SCRG1: variants seen among roughly 807,000 people sequenced by gnomAD.
The protein encoded by SCRG1 is stimulator of chondrogenesis 1.
SCRG1 carries 3 observed loss-of-function variants against 7.7 expected under a neutral mutation model. The observed-to-expected ratio is 0.39, with a 90% CI of 0.18 to 1.01. SCRG1 has a LOEUF of 1.01. Among genes scored for constraint, SCRG1 ranks in the 50% least tolerant of loss-of-function variants. SCRG1 has a pLI of 0.36. For missense variants in SCRG1, 110 were observed against 117.2 expected, an observed-to-expected ratio of 0.94 and a Z score of 0.28; for synonymous variants, 46 against 41.2, an observed-to-expected ratio of 1.12 and a Z score of -0.44.
the SCRG1 span, among the ~76,000 whole-genome samples, chr4:173,505,028 T>C: frequency 6.6e-6 from 1 of 152,232 alleles, no homozygotes; most frequent in African/African-American, 2.4e-5. This position sits in a 1 kb window ranked among gnomAD's most constrained non-coding sequence, Gnocchi z 4.4. Context: ...GAAATCACCA[T>C]AGTCTCACCT....
chr4:173,391,352 C>A lies in SCRG1; in HGVS notation c.63G>T (p.Met21Ile). The A allele has an allele frequency of 6.2e-7, 1 of 1,614,176 alleles. No homozygotes were observed. Among genetic ancestry groups the A allele is most frequent in the Non-Finnish European group, 8.5e-7 (1 of 1,180,022 alleles). The part of the protein sequence containing the change: ...GLTLLLGVQA[M>I]PANRLSCYRK... ...TGTAGCAAGAGAGGCGATTTGCAGG[C>A]ATGGCTTGAACTCCTAGCAGCAAAG... The change falls in exon 2 of 3, where the codon ATG becomes ATT. Residue 21 changes from methionine to isoleucine, a missense_variant. Met to Ile is a conservative substitution (Grantham distance 10). Transcript: ENST00000296506.
At chr4:173,466,707 A>T in the SCRG1 span, among the ~76,000 whole-genome samples, 1 of 152,228 alleles carries the variant, frequency 6.6e-6, no homozygotes, top group South Asian at 2.1e-4. Context: ...TCTGATAATG[A>T]CATTTCAGCA....
chr4:173,453,268 C>T, the SCRG1 span, among the ~76,000 whole-genome samples: 1 of 152,200 alleles, frequency 6.6e-6, no homozygotes, highest in Non-Finnish European at 1.5e-5. Flanking sequence ...GTATAAACAT[C>T]CTTGTAATCA....
chr4:173,436,602 C>G, the SCRG1 span, among the ~76,000 whole-genome samples: 1 of 152,156 alleles, frequency 6.6e-6, no homozygotes, highest in African/African-American at 2.4e-5. Context: ...AACAATCGTT[C>G]TCTATGGGTT....
At chr4:173,503,619 A>G in the SCRG1 span, among the ~76,000 whole-genome samples, 6 of 152,192 alleles carry the variant, frequency 3.9e-5, no homozygotes, top group Admixed American at 2.6e-4. This position sits in a 1 kb window ranked among gnomAD's most constrained non-coding sequence, Gnocchi z 6.4. Flanking sequence ...ACACACAGCA[A>G]TGAGGATATG....
the SCRG1 span, among the ~76,000 whole-genome samples, chr4:173,478,959 A>G: frequency 1.3e-5 from 2 of 152,196 alleles, no homozygotes; most frequent in Admixed American, 6.5e-5. Flanking sequence ...AGGTCACTTC[A>G]AGGGATCCAC....
chr4:173,477,705 CCCTT>C, the SCRG1 span, among the ~76,000 whole-genome samples: 11,101 of 127,804 alleles, frequency 0.087, 573 homozygotes, highest in African/African-American at 0.14. Flanking sequence ...TCTTTTTTTT[CCCTT>C]CCTTCCTTCC....
chr4:173,424,582 C>G, the SCRG1 span, among the ~76,000 whole-genome samples: 1 of 152,176 alleles, frequency 6.6e-6, no homozygotes, highest in Admixed American at 6.6e-5. Context: ...ATACTATATG[C>G]AAGGCCATTT....
the SCRG1 span, among the ~76,000 whole-genome samples, chr4:173,452,235 C>T: frequency 1.1e-4 from 1 of 9,144 alleles, no homozygotes; most frequent in African/African-American, 1.4e-4. Context: ...GACTTCATCT[C>T]AAAGAAGAAA....
the SCRG1 span, among the ~76,000 whole-genome samples, chr4:173,465,692 T>C: frequency 6.6e-6 from 1 of 151,688 alleles, no homozygotes; most frequent in Non-Finnish European, 1.5e-5. Flanking sequence ...ATTTTATATA[T>C]AGATAAAATT....
At chr4:173,485,165 AT>A in the SCRG1 span, among the ~76,000 whole-genome samples, 1 of 80,570 alleles carries the variant, frequency 1.2e-5, no homozygotes, top group African/African-American at 7.8e-5. Context: ...ATAATATATT[AT>A]ATATATTATA....
the SCRG1 span, among the ~76,000 whole-genome samples, chr4:173,491,104 T>A: frequency 6.6e-3 from 1,011 of 152,192 alleles, 10 homozygotes; most frequent in Admixed American, 0.011. Flanking sequence ...GTCAATCTGA[T>A]CCCTGTCACC....
intron 2 of SCRG1, among the ~76,000 whole-genome samples, chr4:173,390,607 G>GGATT (rs1739402601): frequency 6.6e-6 from 1 of 151,760 alleles, no homozygotes; most frequent in African/African-American, 2.4e-5. Context: ...TGAGTAGCTG[G>GGATT]GATTACAGGC....
intron 2 of SCRG1, among the ~76,000 whole-genome samples, chr4:173,389,263 A>C (rs558266333): frequency 3.2e-4 from 48 of 151,974 alleles, no homozygotes; most frequent in Non-Finnish European, 4.3e-4. Context: ...GGCCGGGCGC[A>C]GTGGTTCACG....
At chr4:173,484,302 TTTATATA>T in the SCRG1 span, among the ~76,000 whole-genome samples, 1 of 80,060 alleles carries the variant, frequency 1.2e-5, no homozygotes, top group South Asian at 4.3e-4. Flanking sequence ...TAATGTATAT[TTTATATA>T]TTATATATTT....
chr4:173,421,508 T>C, the SCRG1 span, among the ~76,000 whole-genome samples: 2 of 152,062 alleles, frequency 1.3e-5, no homozygotes, highest in South Asian at 2.1e-4. Flanking sequence ...GAAAAGTAAA[T>C]AGAATGTGGT....
At chr4:173,501,706 C>G in the SCRG1 span, among the ~76,000 whole-genome samples, 1 of 152,048 alleles carries the variant, frequency 6.6e-6, no homozygotes, top group Non-Finnish European at 1.5e-5. The surrounding 1 kb of genome is among the most constrained non-coding windows in gnomAD (Gnocchi z 5.1). Flanking sequence ...GGAGCGGGCT[C>G]CCTGGATGCA....
chr4:173,460,712 T>C, the SCRG1 span, among the ~76,000 whole-genome samples: 2 of 152,214 alleles, frequency 1.3e-5, no homozygotes, highest in East Asian at 3.9e-4. Context: ...TGAGACGTGC[T>C]GGCTTCAGGT....
chr4:173,513,978 T>G, the SCRG1 span, among the ~76,000 whole-genome samples: 1 of 152,260 alleles, frequency 6.6e-6, no homozygotes, highest in South Asian at 2.1e-4. Context: ...TTAACCTGAG[T>G]AGAATATATA....
Sources: gnomAD v4.1 joint callset for allele counts (sites outside exome capture counted in the v4.1 genomes callset) on GRCh38, gnomAD v4.1.1 for gene constraint, Gnocchi (gnomAD v3.1) non-coding constraint, MANE v1.5 for transcripts, NCBI Gene and HGNC (gene_info 2026-07-23, HGNC 2026-07-21) for gene names.